Variants in RALGDS observed in about 807,000 individuals in gnomAD.
RALGDS encodes ral guanine nucleotide exchange factor.
In RALGDS, 44 loss-of-function variants were observed where a neutral mutation model predicts 99.8. That is an observed-to-expected ratio of 0.44 (90% confidence interval 0.35 to 0.57). The LOEUF (loss-of-function observed/expected upper bound fraction) is 0.57. Ranked by LOEUF, RALGDS falls within the 20% of genes least tolerant of loss-of-function variation. The pLI is 0.01. For synonymous variants in RALGDS, 529 were observed against 505.0 expected (o/e 1.05, Z -0.64); for missense variants, 1,022 against 1,203.1 (o/e 0.85, Z 2.23).
Position 133,101,742 on chromosome 9 carries a change from CTG to C in RALGDS, c.2230_2231del (p.Gln744ValfsTer80), listed in dbSNP as rs746577494. 6.2e-7 allele frequency: 1 copy of C among 1,611,308 alleles called. No individual in the cohort carries two copies. Among genetic ancestry groups the C allele is most frequent in the Non-Finnish European group, 8.5e-7 (1 of 1,178,704 alleles). Reference protein sequence around the residue: ...QEKKFWESASQSSPETSGISS... With the variant: ...QEKKFWESASXSSPETSGISS... ...TGATGCCGGAGGTCTCCGGGGATGACTGTGAGGCTGATTCCCAGAACTGAGGG... is the reference window on the plus strand; with the variant it reads ...TGATGCCGGAGGTCTCCGGGGATGACTGAGGCTGATTCCCAGAACTGAGGG... On this transcript the variant is annotated frameshift_variant, in exon 16 of 18. Coordinates refer to ENST00000372050, the MANE Select transcript of RALGDS (RefSeq NM_006266.4). LOFTEE classifies it high-confidence loss of function.
At chr9:133,103,095 A>AG (rs1830840175) in intron 12 of RALGDS, 135 bp downstream of exon 12, 2 of 1,400,920 alleles carry the variant, frequency 1.4e-6, no homozygotes, top group Non-Finnish European at 9.9e-7. Flanking sequence ...CTCCAGTGGG[A>AG]GGGGACCCCC....
Position 133,121,196 on chromosome 9 carries a change from GC to G in RALGDS, c.-43del. The G allele has an allele frequency of 1.1e-6, 1 of 885,486 alleles. No individual in the cohort carries two copies. Among genetic ancestry groups the G allele is most frequent in the Non-Finnish European group, 1.3e-6 (1 of 740,738 alleles). 54.9% of individuals were successfully genotyped at this position (885,486 alleles called of 1,614,324 possible). A position where few individuals can be genotyped will look rare whatever the true frequency, so the allele number is the denominator to read the frequency against. ...GGGCGCGGGGCCGGCCCGGCGCGCGGCGGGGGCGGCGGCGCGGCCCGCGCGG... is the reference window on the plus strand; with the variant it reads ...GGGCGCGGGGCCGGCCCGGCGCGCGGGGGGGCGGCGGCGCGGCCCGCGCGG... On this transcript the variant is annotated 5_prime_UTR_variant, in exon 1 of 18. Transcript: ENST00000372050.
chr9:133,127,788 G>T (rs1355209313), intron 1 of RALGDS, among the ~76,000 whole-genome samples: 2 of 152,248 alleles, frequency 1.3e-5, no homozygotes, highest in Non-Finnish European at 2.9e-5. Context: ...GGCCAGGTGA[G>T]AAGCGAAGCA....
chr9:133,117,651 T>C, intron 1 of RALGDS, among the ~76,000 whole-genome samples: 1 of 152,346 alleles, frequency 6.6e-6, no homozygotes, highest in East Asian at 1.9e-4. Context: ...AACAATCAAA[T>C]GGGGAACACT....
chr9:133,146,654 A>G (rs1443443743), intron 1 of RALGDS, among the ~76,000 whole-genome samples: 1 of 152,158 alleles, frequency 6.6e-6, no homozygotes. Flanking sequence ...CACCAACAGA[A>G]CACAGCACAG....
At chr9:133,111,527 T>C (rs1181076719) in intron 2 of RALGDS, among the ~76,000 whole-genome samples, 1 of 152,216 alleles carries the variant, frequency 6.6e-6, no homozygotes, top group Non-Finnish European at 1.5e-5. Context: ...GCAATCCTCC[T>C]GCCTTGGCCT....
intron 1 of RALGDS, among the ~76,000 whole-genome samples, chr9:133,145,763 C>T (rs1428031378): frequency 5.3e-5 from 8 of 152,242 alleles, no homozygotes; most frequent in African/African-American, 1.9e-4. Context: ...CCCCAGTCTC[C>T]TGACCTGCAC....
intron 16 of RALGDS, chr9:133,101,165 A>G (rs2519089): frequency 0.9 from 1,066,801 of 1,189,170 alleles, 478,769 homozygotes; most frequent in African/African-American, 0.94. Context: ...ACCAGCCCAC[A>G]CCAGACAGAG....
chr9:133,121,346 G>T, upstream of RALGDS: 1 of 507,084 alleles, frequency 2.0e-6, no homozygotes, highest in Non-Finnish European at 2.5e-6. Context: ...AGGGACGCGT[G>T]CGTGCGCGCG....
chr9:133,142,757 T>G (rs1426596716), intron 1 of RALGDS, among the ~76,000 whole-genome samples: 2 of 152,182 alleles, frequency 1.3e-5, no homozygotes, highest in Non-Finnish European at 2.9e-5. Flanking sequence ...AGGGGCTCAT[T>G]AGCTCTGTTT....
exon 1 of RALGDS, chr9:133,130,967 G>A (rs757648344): frequency 8.5e-6 from 13 of 1,535,386 alleles, no homozygotes; most frequent in Non-Finnish European, 8.7e-7. Flanking sequence ...TGGGAACCTG[G>A]CCGGGTGGAT....
At chr9:133,105,860 A>AGCCCCCACCCCC (rs1491178797) in intron 9 of RALGDS, 72 bp downstream of exon 9, 1 of 18,810 alleles carries the variant, frequency 5.3e-5, no homozygotes, top group African/African-American at 3.2e-4. Context: ...CCCCCGCCCC[A>AGCCCCCACCCCC]GCCCCAGCCC....
intron 1 of RALGDS, among the ~76,000 whole-genome samples, chr9:133,147,181 C>A (rs1302252961): frequency 6.6e-6 from 1 of 152,206 alleles, no homozygotes; most frequent in Non-Finnish European, 1.5e-5. Context: ...TGCCTCCCAG[C>A]CCTGCCTGCT....
chr9:133,102,266 G>T, intron 14 of RALGDS, 127 bp from the exon 15 acceptor site: 1 of 1,164,586 alleles, frequency 8.6e-7, no homozygotes, highest in Non-Finnish European at 1.2e-6. Flanking sequence ...ATTCACCACA[G>T]CCATCTGGGA....
intron 3 of RALGDS, 62 bp downstream of exon 3, chr9:133,110,234 G>A (rs1831276590): frequency 6.6e-7 from 1 of 1,508,164 alleles, no homozygotes; most frequent in Non-Finnish European, 9.2e-7. Context: ...AAGACCCGCA[G>A]CCAGGTGGGG....
chr9:133,113,916 C>A (rs1831471208), intron 1 of RALGDS, among the ~76,000 whole-genome samples: 1 of 152,234 alleles, frequency 6.6e-6, no homozygotes, highest in African/African-American at 2.4e-5. Flanking sequence ...TAAACATTAA[C>A]CCTGGGGGAG....
In RALGDS at chr9:133,101,779, G is replaced by T. The variant is rs1179268401; in HGVS notation, c.2212-17C>A. ...TTCCCAGAACTGAGGGAGACGGTAAGATCAGCAGATCCCACTGCCCTGTGG... is the reference window on the plus strand; with the variant it reads ...TTCCCAGAACTGAGGGAGACGGTAATATCAGCAGATCCCACTGCCCTGTGG... On this transcript the variant is annotated splice_polypyrimidine_tract_variant and intron_variant, in intron 15 of 17. Transcript: ENST00000372050. The T allele has an allele frequency of 6.3e-7, 1 of 1,587,638 alleles. No homozygotes were observed. Among genetic ancestry groups the T allele is most frequent in the East Asian group, 2.3e-5 (1 of 43,308 alleles).
chr9:133,112,371 G>C (rs1475651659), intron 1 of RALGDS, among the ~76,000 whole-genome samples: 2 of 152,102 alleles, frequency 1.3e-5, no homozygotes, highest in African/African-American at 4.8e-5. Context: ...ACGTGATTAT[G>C]ATGAGTCCAC....
upstream of RALGDS, among the ~76,000 whole-genome samples, chr9:133,131,398 A>G (rs1404765679): frequency 6.6e-6 from 1 of 152,016 alleles, no homozygotes; most frequent in Non-Finnish European, 1.5e-5. Context: ...CACCTCCACT[A>G]AAATCCCTCC....
Sources: allele counts gnomAD v4.1 joint callset (sites outside exome capture counted in the v4.1 genomes callset), GRCh38; gene constraint gnomAD v4.1.1; transcripts MANE v1.5; gene names NCBI Gene and HGNC (gene_info 2026-07-23, HGNC 2026-07-21).